Variants in SAMD12 observed in about 807,000 individuals in gnomAD.
The protein encoded by SAMD12 is sterile alpha motif domain-containing protein 12.
A neutral mutation model predicts 15.0 loss-of-function variants in SAMD12; 9 were observed. The ratio of observed to expected loss-of-function variants is 0.60; its 90% CI spans 0.36 to 1.05. The LOEUF is 1.05. SAMD12 is among the 50% of genes least tolerant of loss of function. SAMD12 has a pLI of 0.01. For synonymous variants in SAMD12, 86 were observed against 90.1 expected (o/e 0.96, Z 0.25); for missense variants, 230 against 234.2 (o/e 0.98, Z 0.12).
At chr8:118,347,755 C>T (rs878857449) in intron 4 of SAMD12, among the ~76,000 whole-genome samples, 1 of 152,186 alleles carries the variant, frequency 6.6e-6, no homozygotes, top group Non-Finnish European at 1.5e-5. Flanking sequence ...ACTTGTCTGG[C>T]TTCAGTTTTC....
chr8:118,578,214 ACATCCTCATAAAGGAAAAATTAT>A (rs1827198927), intron 2 of SAMD12, among the ~76,000 whole-genome samples: 1 of 152,130 alleles, frequency 6.6e-6, no homozygotes, highest in African/African-American at 2.4e-5. Flanking sequence ...CAGGTCTTCT[ACATCCTCATAAAGGAAAAATTAT>A]ATCCCATTGC....
downstream of SAMD12, among the ~76,000 whole-genome samples, chr8:118,188,004 A>T (rs564664437): frequency 9.2e-5 from 14 of 152,056 alleles, no homozygotes; most frequent in South Asian, 1.9e-3. Flanking sequence ...GCTCTACCCT[A>T]AAAAGAAGGA....
chr8:118,354,177 T>C (rs75690968), intron 4 of SAMD12, among the ~76,000 whole-genome samples: 2,660 of 152,294 alleles, frequency 0.017, 73 homozygotes, highest in African/African-American at 0.058. Context: ...AACTTGTACA[T>C]TGCAAATGAT....
the SAMD12 span, among the ~76,000 whole-genome samples, chr8:118,169,891 T>C: frequency 1.3e-5 from 2 of 152,186 alleles, no homozygotes; most frequent in African/African-American, 2.4e-5. Flanking sequence ...AGTGTGTTCA[T>C]ATGAACTCTT....
intron 4 of SAMD12, among the ~76,000 whole-genome samples, chr8:118,224,936 C>T (rs1002207078): frequency 1.3e-5 from 2 of 152,166 alleles, no homozygotes; most frequent in East Asian, 1.9e-4. Context: ...GCACTAAAAA[C>T]GTTTTGGGTT....
chr8:118,372,507 C>T (rs1173882683), intron 4 of SAMD12, among the ~76,000 whole-genome samples: 1 of 151,622 alleles, frequency 6.6e-6, no homozygotes, highest in African/African-American at 2.4e-5. Context: ...CTTTTTCCAC[C>T]ATCTTAAGAA....
intron 3 of SAMD12, among the ~76,000 whole-genome samples, chr8:118,409,748 T>C (rs113018618): frequency 0.011 from 1,604 of 151,878 alleles, 34 homozygotes; most frequent in African/African-American, 0.037. Flanking sequence ...TTTGACTAAA[T>C]TGGCTCACAT....
In SAMD12 at chr8:118,483,654, T is replaced by C. The variant is rs79167737; in HGVS notation, c.193-43693A>G. On this transcript the variant is annotated intron_variant, in intron 2 of 3. Transcript: ENST00000314727. ...TCCTAAATGCCTACTAATACTTTTA[T>C]ATAATCGAAAAATTCTTACATGCAT... Among the ~76,000 whole-genome samples the C allele has an allele frequency of 7.9e-3, 1,210 of 152,348 alleles. 14 individuals are homozygous for C. Among genetic ancestry groups the C allele is most frequent in the African/African-American group, 0.027 (1,126 of 41,578 alleles).
At chr8:118,498,662 C>A (rs373929424) in intron 2 of SAMD12, among the ~76,000 whole-genome samples, 3 of 152,026 alleles carry the variant, frequency 2.0e-5, no homozygotes, top group African/African-American at 7.3e-5. Context: ...TGGTGTATAG[C>A]ACAGAAAATA....
intron 2 of SAMD12, among the ~76,000 whole-genome samples, chr8:118,580,399 T>C (rs950957228): frequency 1.3e-5 from 2 of 152,122 alleles, no homozygotes; most frequent in Non-Finnish European, 2.9e-5. Flanking sequence ...GAAAGTCACA[T>C]GACTTTCCCA....
At chr8:118,498,481 A>T (rs1259821824) in intron 2 of SAMD12, among the ~76,000 whole-genome samples, 1 of 152,254 alleles carries the variant, frequency 6.6e-6, no homozygotes, top group Admixed American at 6.5e-5. Context: ...CATATCACCA[A>T]ATCAGAATGC....
intron 4 of SAMD12, among the ~76,000 whole-genome samples, chr8:118,199,745 T>C (rs772856311): frequency 1.2e-4 from 18 of 152,204 alleles, no homozygotes; most frequent in Non-Finnish European, 2.5e-4. Context: ...GAGTGCAGTA[T>C]ACTTTAGAGC....
chr8:118,175,584 A>G, the SAMD12 span, among the ~76,000 whole-genome samples: 2 of 152,232 alleles, frequency 1.3e-5, no homozygotes, highest in Non-Finnish European at 2.9e-5. Flanking sequence ...AAATATTTAC[A>G]AACTATGCAT....
chr8:118,607,452 T>C (rs1171274963), intron 1 of SAMD12, among the ~76,000 whole-genome samples: 1 of 152,190 alleles, frequency 6.6e-6, no homozygotes, highest in African/African-American at 2.4e-5. Context: ...GTCAGGCTGG[T>C]CTTGATCTCC....
intron 4 of SAMD12, among the ~76,000 whole-genome samples, chr8:118,341,127 C>T (rs1290547828): frequency 1.3e-5 from 2 of 152,140 alleles, no homozygotes; most frequent in African/African-American, 2.4e-5. Flanking sequence ...GCTCCTTGAC[C>T]TTTCTGTCTT....
chr8:118,465,793 C>T (rs1485451332), intron 2 of SAMD12, among the ~76,000 whole-genome samples: 1 of 152,112 alleles, frequency 6.6e-6, no homozygotes, highest in Non-Finnish European at 1.5e-5. Context: ...TCCTGGCTTA[C>T]ACAGGACCAA....
At chr8:118,228,085 T>C (rs797004173) in intron 4 of SAMD12, among the ~76,000 whole-genome samples, 10 of 152,320 alleles carry the variant, frequency 6.6e-5, no homozygotes, top group African/African-American at 2.2e-4. Flanking sequence ...TAGCCACATG[T>C]AGGAGAATGA....
chr8:118,506,068 G>C (rs745819917), intron 2 of SAMD12, among the ~76,000 whole-genome samples: 1 of 152,024 alleles, frequency 6.6e-6, no homozygotes, highest in Non-Finnish European at 1.5e-5. Context: ...CATACCTGCA[G>C]TCACATTCAT....
At chr8:118,431,406 T>A in intron 3 of SAMD12, among the ~76,000 whole-genome samples, 1 of 152,212 alleles carries the variant, frequency 6.6e-6, no homozygotes, top group East Asian at 1.9e-4. Context: ...CTTTTATCAC[T>A]ACTTGCAGGG....
Sources: gnomAD v4.1 joint callset for allele counts (sites outside exome capture counted in the v4.1 genomes callset) on GRCh38, gnomAD v4.1.1 for gene constraint, MANE v1.5 for transcripts, NCBI Gene and HGNC (gene_info 2026-07-23, HGNC 2026-07-21) for gene names.